Variants in SLC12A6 observed in about 807,000 individuals in gnomAD.
SLC12A6 encodes the protein K-Cl cotransporter 3.
SLC12A6 carries 66 observed loss-of-function variants against 135.3 expected under a neutral mutation model. The observed-to-expected ratio is 0.49, with a 90% CI of 0.40 to 0.60. The LOEUF (loss-of-function observed/expected upper bound fraction) is 0.60, where lower values mean the gene tolerates loss of function less well. Ranked by LOEUF, SLC12A6 falls within the 20% of genes least tolerant of loss-of-function variation. SLC12A6 has a pLI of 0.00. For missense variants in SLC12A6, 1,058 were observed against 1,452.3 expected (o/e 0.73, Z 4.41); for synonymous variants, 513 against 508.8 (o/e 1.01, Z -0.11).
chr15:34,239,305 T>C (rs1422320656), intron 19 of SLC12A6, 145 bp from the exon 20 acceptor site: 2 of 706,634 alleles, frequency 2.8e-6, no homozygotes, highest in African/African-American at 3.5e-5. Context: ...AAAGTTAAAA[T>C]TATCCCAAAG....
chr15:34,270,801 T>G (rs1052205082), intron 3 of SLC12A6, among the ~76,000 whole-genome samples: 2 of 140,116 alleles, frequency 1.4e-5, no homozygotes, highest in African/African-American at 5.4e-5. Flanking sequence ...AGATTCCATC[T>G]CAAAAAACAA....
At chr15:34,304,994 C>A (rs1419705036) in intron 2 of SLC12A6, among the ~76,000 whole-genome samples, 1 of 152,120 alleles carries the variant, frequency 6.6e-6, no homozygotes, top group Non-Finnish European at 1.5e-5. Flanking sequence ...CATGTTTCCC[C>A]TCATAGGGGA....
rs1371717658 is a variant in SLC12A6, at chr15:34,232,949, C to T, written c.*932G>A. 2.0e-5 allele frequency: 1 copy of T among 49,186 alleles called. No individual in the cohort carries two copies. Among genetic ancestry groups the T allele is most frequent in the Non-Finnish European group, 3.6e-5 (1 of 27,786 alleles). 3.0% of individuals were successfully genotyped at this position (49,186 alleles called of 1,614,324 possible). ...TTTTGACCTGTGCTTAATAAGAGGG[C>T]ATAAAAAAAGGCGCGGGGGTGGGGG... On this transcript the variant is annotated 3_prime_UTR_variant, in exon 26 of 26. Coordinates refer to ENST00000354181, the MANE Select transcript of SLC12A6 (RefSeq NM_001365088.1).
intron 3 of SLC12A6, among the ~76,000 whole-genome samples, chr15:34,264,199 C>T (rs911531115): frequency 6.6e-6 from 1 of 152,064 alleles, no homozygotes; most frequent in Non-Finnish European, 1.5e-5. Context: ...TTGTTAAAAC[C>T]ATTAGGTGAA....
At chr15:34,294,271 C>CA (rs1018164559) in intron 2 of SLC12A6, among the ~76,000 whole-genome samples, 9 of 152,110 alleles carry the variant, frequency 5.9e-5, no homozygotes, top group African/African-American at 2.2e-4. Context: ...CTTGCTCTGT[C>CA]ACCCAGGCTG....
chr15:34,239,989 G>A (rs1484093886), intron 19 of SLC12A6, among the ~76,000 whole-genome samples: 1 of 151,900 alleles, frequency 6.6e-6, no homozygotes, highest in Admixed American at 6.6e-5. Flanking sequence ...TAGGGTACAT[G>A]TGCACAACGT....
intron 2 of SLC12A6, among the ~76,000 whole-genome samples, chr15:34,321,048 G>A (rs368357346): frequency 1.4e-4 from 22 of 152,094 alleles, no homozygotes; most frequent in Non-Finnish European, 1.5e-4. Flanking sequence ...TTTACATCAC[G>A]ATCTCATTTA....
intron 10 of SLC12A6, among the ~76,000 whole-genome samples, chr15:34,251,479 C>T (rs192341375): frequency 1.2e-3 from 181 of 152,222 alleles, no homozygotes; most frequent in African/African-American, 4.2e-3. Context: ...GATCTCCTGA[C>T]CTCATGATCC....
chr15:34,256,398 T>C (rs773407323), intron 6 of SLC12A6, 115 bp from the exon 7 acceptor site: 35 of 734,610 alleles, frequency 4.8e-5, no homozygotes, highest in Non-Finnish European at 7.0e-5. Flanking sequence ...CCTACTTTTA[T>C]GGACAGTCAT....
intron 2 of SLC12A6, among the ~76,000 whole-genome samples, chr15:34,328,420 A>T (rs1889617561): frequency 1.3e-5 from 2 of 152,238 alleles, no homozygotes; most frequent in Non-Finnish European, 2.9e-5. Flanking sequence ...GAAATGTTAA[A>T]ATATGGTAAT....
intron 2 of SLC12A6, among the ~76,000 whole-genome samples, chr15:34,316,567 A>C (rs1190605887): frequency 2.0e-5 from 3 of 152,192 alleles, no homozygotes; most frequent in South Asian, 4.1e-4. Flanking sequence ...CTGTTATGGA[A>C]AATGCCAAAG....
Position 34,252,268 on chromosome 15 carries a change from G to C in SLC12A6, c.1235C>G (p.Ser412Trp). Residue 412 changes from serine to tryptophan, a missense_variant, in exon 10 of 26, where the codon TCG (serine) becomes TGG (tryptophan). Physicochemically the swap from Ser to Trp is radical, Grantham distance 177. Transcript: ENST00000354181. ...ACAGGTGGCATTGAAAAATTGACTCGAGTTACAGAAGAATCCCCATAACTT... is the reference window on the plus strand; with the variant it reads ...ACAGGTGGCATTGAAAAATTGACTCCAGTTACAGAAGAATCCCCATAACTT... Reference protein sequence around the residue: ...PSKLWGFFCNSSQFFNATCDE... With the variant: ...PSKLWGFFCNWSQFFNATCDE... 6.2e-7 allele frequency: 1 copy of C among 1,605,256 alleles called. No homozygotes were observed. The highest frequency in any genetic ancestry group is 8.5e-7 in the Non-Finnish European group (1 of 1,172,032).
At chr15:34,332,644 G>A (rs1021792022) in intron 2 of SLC12A6, among the ~76,000 whole-genome samples, 3 of 152,104 alleles carry the variant, frequency 2.0e-5, no homozygotes, top group Non-Finnish European at 4.4e-5. Context: ...TTAGCCGGGT[G>A]TGGTTGCAGA....
intron 2 of SLC12A6, among the ~76,000 whole-genome samples, chr15:34,287,289 T>C (rs146090409): frequency 2.0e-4 from 31 of 152,336 alleles, no homozygotes; most frequent in African/African-American, 7.5e-4. Flanking sequence ...GCTTCATCCA[T>C]GTCCCTGCAA....
In SLC12A6 at chr15:34,230,731, TTG is replaced by T. The variant is rs1890868226; in HGVS notation, c.*3148_*3149del. On this transcript the variant is annotated 3_prime_UTR_variant, in exon 26 of 26. Coordinates refer to ENST00000354181, the MANE Select transcript of SLC12A6 (RefSeq NM_001365088.1). ...CAGTGATTAAAAGAGATGAGAGACT[TTG>T]GAGACAGACAACGTAAGCAACACAT... is the stretch of plus-strand genomic sequence containing the variant. 1 of 147,204 alleles carries T rather than the reference TTG, an allele frequency of 6.8e-6. No individual in the cohort carries two copies. The highest frequency in any genetic ancestry group is 2.5e-5 in the African/African-American group (1 of 40,244). 9.1% of individuals were successfully genotyped at this position (147,204 alleles called of 1,614,324 possible).
At chr15:34,335,851 C>T (rs1239088203) in intron 2 of SLC12A6, among the ~76,000 whole-genome samples, 2 of 152,214 alleles carry the variant, frequency 1.3e-5, no homozygotes, top group African/African-American at 4.8e-5. Flanking sequence ...GACAGAATAG[C>T]ACATTAGGTC....
At chr15:34,303,467 C>T (rs1389866952) in intron 2 of SLC12A6, among the ~76,000 whole-genome samples, 1 of 151,942 alleles carries the variant, frequency 6.6e-6, no homozygotes, top group African/African-American at 2.4e-5. Context: ...TTTCATTGAG[C>T]CTAATGCCTT....
intron 3 of SLC12A6, among the ~76,000 whole-genome samples, chr15:34,266,084 C>A (rs1595462612): frequency 8.3e-6 from 1 of 119,764 alleles, no homozygotes; most frequent in South Asian, 2.6e-4. Flanking sequence ...TAGGATGGCA[C>A]AATGGTCCAA....
At chr15:34,298,270 T>A (rs991076) in intron 2 of SLC12A6, among the ~76,000 whole-genome samples, 14,810 of 151,574 alleles carry the variant, frequency 0.098, 812 homozygotes, top group South Asian at 0.16. Context: ...AGGTCAGGAG[T>A]TTGAGACCAG....
Sources: gnomAD v4.1 joint callset for allele counts (sites outside exome capture counted in the v4.1 genomes callset) on GRCh38, gnomAD v4.1.1 for gene constraint, MANE v1.5 for transcripts, NCBI Gene and HGNC (gene_info 2026-07-23, HGNC 2026-07-21) for gene names.